The following PCDH15 variants were observed in gnomAD, a reference collection of about 807,000 sequenced individuals.
PCDH15 encodes the protein protocadherin-15.
In PCDH15, 129 loss-of-function variants were observed where a neutral mutation model predicts 178.5. The observed-to-expected ratio is 0.72, with a 90% confidence interval of 0.63 to 0.84. The LOEUF (loss-of-function observed/expected upper bound fraction) is 0.84, where lower values mean the gene tolerates loss of function less well. Among genes scored for constraint, PCDH15 ranks in the 40% least tolerant of loss-of-function variants. The pLI is 0.00. For missense variants in PCDH15, 2,230 were observed against 2,099.9 expected (o/e 1.06, Z -1.21); for synonymous variants, 800 against 732.0 (o/e 1.09, Z -1.50).
chr10:55,328,956 T>C (rs1844118058), intron 2 of PCDH15, among the ~76,000 whole-genome samples: 1 of 134,242 alleles, frequency 7.4e-6, no homozygotes, highest in Non-Finnish European at 1.6e-5. Context: ...ATATAAAATA[T>C]ATAATATGGG....
At chr10:54,160,279 G>A (rs1024961030) in intron 13 of PCDH15, among the ~76,000 whole-genome samples, 1 of 152,090 alleles carries the variant, frequency 6.6e-6, no homozygotes, top group Non-Finnish European at 1.5e-5. Flanking sequence ...TTGATTTCTA[G>A]AATTTTCCAT....
rs970449054 is a variant in PCDH15 at position 54,571,575 on chromosome 10, G to A, written c.92-43698C>T. On this transcript the variant is annotated intron_variant, in intron 2 of 37. Transcript: ENST00000644397. ...TCACTTAACTCATTACAATGGTTTA[G>A]TGAGCTATATTGAGCTTAAAACATA... is the stretch of plus-strand genomic sequence containing the variant. Among the ~76,000 whole-genome samples the A allele has an allele frequency of 2.0e-5, 3 of 152,150 alleles. No homozygotes were observed. The East Asian group carries it at 5.8e-4, about 29-fold the overall frequency.
chr10:54,832,251 A>AG (rs1299025674), intron 3 of PCDH15, among the ~76,000 whole-genome samples: 1 of 152,178 alleles, frequency 6.6e-6, no homozygotes, highest in Non-Finnish European at 1.5e-5. Flanking sequence ...ATATTCCGAT[A>AG]CTGCCCATCC....
intron 2 of PCDH15, among the ~76,000 whole-genome samples, chr10:54,951,603 G>A (rs1363400229): frequency 6.6e-6 from 1 of 151,858 alleles, no homozygotes; most frequent in East Asian, 1.9e-4. Context: ...GAATAATATG[G>A]TAAGAGTGTT....
At chr10:54,481,451 T>C (rs1052447241) in intron 3 of PCDH15, among the ~76,000 whole-genome samples, 4 of 151,770 alleles carry the variant, frequency 2.6e-5, no homozygotes, top group Admixed American at 2.6e-4. Context: ...CAAATTCTAA[T>C]TAACAAAAAT....
At chr10:54,778,093 TATGCAAG>T (rs1404664450) in intron 1 of PCDH15, among the ~76,000 whole-genome samples, 1 of 152,208 alleles carries the variant, frequency 6.6e-6, no homozygotes, top group Non-Finnish European at 1.5e-5. Context: ...GAAATTGCCA[TATGCAAG>T]ATGCAAGTTC....
At chr10:54,459,044 G>T (rs1320663138) in intron 3 of PCDH15, among the ~76,000 whole-genome samples, 1 of 151,948 alleles carries the variant, frequency 6.6e-6, no homozygotes, top group Non-Finnish European at 1.5e-5. Flanking sequence ...GGGTACTCTG[G>T]CTTCCTTTCC....
intron 3 of PCDH15, among the ~76,000 whole-genome samples, chr10:54,397,126 T>C (rs1365247324): frequency 6.6e-6 from 1 of 152,110 alleles, no homozygotes; most frequent in Non-Finnish European, 1.5e-5. Context: ...CTGCATGTCC[T>C]GACCTTTATT....
At chr10:54,163,386 A>G (rs1472739048) in intron 13 of PCDH15, among the ~76,000 whole-genome samples, 1 of 150,972 alleles carries the variant, frequency 6.6e-6, no homozygotes, top group Admixed American at 6.7e-5. Flanking sequence ...AGAAGGAAGC[A>G]CCTTGTTCAC....
Position 54,550,488 on chromosome 10 carries a change from C to CTGTGTGTGTGTGTG in PCDH15, c.92-22625_92-22612dup, listed in dbSNP as rs71010384. Among the ~76,000 whole-genome samples, 4 of 150,746 alleles carry CTGTGTGTGTGTGTG rather than the reference C, an allele frequency of 2.7e-5. No individual in the cohort carries two copies. The East Asian group carries it at 5.9e-4, about 22-fold the overall frequency. ...TGCCCCTGTGCCTTAGTGTATGTGT[C>CTGTGTGTGTGTGTG]TGTGTGTGTGTGTGTGTGTGTCACA... is the stretch of plus-strand genomic sequence containing the variant. On this transcript the variant is annotated intron_variant, in intron 2 of 37. Transcript: ENST00000644397.
intron 3 of PCDH15, among the ~76,000 whole-genome samples, chr10:54,458,877 T>C (rs919912779): frequency 1.4e-4 from 21 of 152,138 alleles, no homozygotes; most frequent in Non-Finnish European, 5.9e-5. Context: ...GTTTCATTAC[T>C]AGTGTGCTCA....
intron 2 of PCDH15, among the ~76,000 whole-genome samples, chr10:55,156,214 T>C (rs995037697): frequency 1.3e-5 from 2 of 152,172 alleles, no homozygotes; most frequent in African/African-American, 4.8e-5. Flanking sequence ...AAGGAATATT[T>C]AGCTTTAGGA....
At chr10:54,439,333 G>A (rs1165254824) in intron 3 of PCDH15, among the ~76,000 whole-genome samples, 1 of 151,738 alleles carries the variant, frequency 6.6e-6, no homozygotes, top group African/African-American at 2.4e-5. Flanking sequence ...AAAGGGGAGG[G>A]GCATCATATT....
chr10:55,436,634 A>T (rs1018427039), intron 2 of PCDH15, among the ~76,000 whole-genome samples: 1 of 151,996 alleles, frequency 6.6e-6, no homozygotes, highest in African/African-American at 2.4e-5. Flanking sequence ...GTTCACAAAG[A>T]CTCCATCCTA....
intron 2 of PCDH15, among the ~76,000 whole-genome samples, chr10:55,417,892 T>C (rs1164136728): frequency 6.6e-6 from 1 of 151,506 alleles, no homozygotes; most frequent in African/African-American, 2.4e-5. Context: ...CAAGAAATAA[T>C]TTTATGCTTA....
intron 1 of PCDH15, among the ~76,000 whole-genome samples, chr10:55,253,243 T>G (rs987943366): frequency 2.9e-5 from 3 of 103,564 alleles, no homozygotes; most frequent in Non-Finnish European, 7.0e-5. Flanking sequence ...TGTGTGTGTG[T>G]GTGTGCGTGT....
chr10:54,682,633 A>G (rs2094920363), intron 1 of PCDH15, among the ~76,000 whole-genome samples: 1 of 152,076 alleles, frequency 6.6e-6, no homozygotes, highest in Non-Finnish European at 1.5e-5. Flanking sequence ...TCTTTTTATA[A>G]TATCTGAAAT....
intron 3 of PCDH15, among the ~76,000 whole-genome samples, chr10:54,459,465 T>G (rs943677657): frequency 7.9e-5 from 12 of 152,044 alleles, no homozygotes; most frequent in African/African-American, 2.9e-4. Context: ...TTGCATGAAG[T>G]CGTAGTTGTC....
At chr10:55,477,007 G>A (rs900311496) in intron 2 of PCDH15, among the ~76,000 whole-genome samples, 7 of 151,862 alleles carry the variant, frequency 4.6e-5, no homozygotes, top group Admixed American at 2.0e-4. Flanking sequence ...AACATGTGAA[G>A]TGCCAAGGTT....
Sources: allele counts gnomAD v4.1 joint callset (sites outside exome capture counted in the v4.1 genomes callset), GRCh38; gene constraint gnomAD v4.1.1; transcripts MANE v1.5; gene names NCBI Gene and HGNC (gene_info 2026-07-23, HGNC 2026-07-21).